The following CACNA1D variants were observed in gnomAD, a reference collection of about 807,000 sequenced individuals.
CACNA1D encodes the protein voltage-dependent L-type calcium channel subunit alpha-1D.
In CACNA1D, 55 loss-of-function variants were observed where a neutral mutation model predicts 257.1. The observed-to-expected ratio is 0.21, with a 90% CI of 0.17 to 0.27. CACNA1D has a LOEUF of 0.27. Among genes scored for constraint, CACNA1D ranks in the 10% least tolerant of loss-of-function variants. The pLI, the probability that CACNA1D is intolerant of heterozygous loss-of-function variation, is 1.00. For missense variants in CACNA1D, 1,876 were observed against 2,784.0 expected (o/e 0.67, Z 7.34); for synonymous variants, 980 against 1,014.9 (o/e 0.97, Z 0.65).
At chr3:53,634,299 CATT>C (rs1408098118) in intron 3 of CACNA1D, among the ~76,000 whole-genome samples, 1 of 152,160 alleles carries the variant, frequency 6.6e-6, no homozygotes, top group Non-Finnish European at 1.5e-5. Flanking sequence ...TAACATGAAT[CATT>C]ATTAAAATGA....
intron 8 of CACNA1D, among the ~76,000 whole-genome samples, chr3:53,681,407 C>G (rs1352665349): frequency 6.6e-6 from 1 of 152,188 alleles, no homozygotes; most frequent in Non-Finnish European, 1.5e-5. Flanking sequence ...GAATAAGAAG[C>G]AGAAAATCCT....
At chr3:53,500,253 T>TA (rs55823212) in intron 2 of CACNA1D, among the ~76,000 whole-genome samples, 16,917 of 40,858 alleles carry the variant, frequency 0.41, 4,530 homozygotes, top group East Asian at 0.55. Context: ...CTGTCTCTAC[T>TA]AAAAAAAAAA....
chr3:53,605,296 A>G (rs1315433727), intron 3 of CACNA1D, among the ~76,000 whole-genome samples: 1 of 152,094 alleles, frequency 6.6e-6, no homozygotes, highest in Non-Finnish European at 1.5e-5. Context: ...AGGGGGACAA[A>G]TGAGGTATCA....
At chr3:53,567,629 G>A (rs1392931458) in intron 3 of CACNA1D, among the ~76,000 whole-genome samples, 1 of 152,232 alleles carries the variant, frequency 6.6e-6, no homozygotes, top group East Asian at 1.9e-4. Context: ...AATAAGAGAT[G>A]AAGAGCAGAC....
Position 53,723,996 on chromosome 3 carries a change from C to T in CACNA1D, c.2097C>T (p.Phe699=). 1 of 1,612,716 alleles carries T rather than the reference C, an allele frequency of 6.2e-7. No individual in the cohort carries two copies. The highest frequency in any genetic ancestry group is 8.5e-7 in the Non-Finnish European group (1 of 1,178,778). ...TCCCTCAAGCACTTCTCACAGTGTTCCAGGTGAGTCCTCCCTCCATTCCCC... is the reference window on the plus strand; with the variant it reads ...TCCCTCAAGCACTTCTCACAGTGTTTCAGGTGAGTCCTCCCTCCATTCCCC... The part of the protein sequence containing the change: ...DNFPQALLTV[F]QILTGEDWNA... The change falls in exon 14 of 48, where the codon TTC becomes TTT. Residue 699 remains phenylalanine, a synonymous_variant. Transcript: ENST00000350061. The surrounding 1 kb of genome is among the most constrained non-coding windows in gnomAD (Gnocchi z 5.6).
At chr3:53,755,567 T>C (rs7373253) in intron 29 of CACNA1D, among the ~76,000 whole-genome samples, 134,371 of 152,224 alleles carry the variant, frequency 0.88, 59,531 homozygotes, top group East Asian at 1. Flanking sequence ...TGGTTGATTT[T>C]TGCTGGAAAT....
At chr3:53,810,871 A>G (rs2106918077) in intron 47 of CACNA1D, among the ~76,000 whole-genome samples, 1 of 151,066 alleles carries the variant, frequency 6.6e-6, no homozygotes, top group East Asian at 1.9e-4. Context: ...TCTAGTTTAT[A>G]CTAAATGTCT....
At chr3:53,790,510 G>A (rs943309397) in intron 40 of CACNA1D, among the ~76,000 whole-genome samples, 18 of 152,254 alleles carry the variant, frequency 1.2e-4, no homozygotes, top group African/African-American at 4.1e-4. Context: ...CATCTCCATT[G>A]TAGGAAAGCT....
intron 38 of CACNA1D, among the ~76,000 whole-genome samples, chr3:53,780,975 C>T (rs947592379): frequency 3.9e-5 from 6 of 152,260 alleles, no homozygotes; most frequent in African/African-American, 7.2e-5. Context: ...TCCAGCCTAA[C>T]TAACAGGGGC....
At chr3:53,697,200 G>A (rs1322448346) in intron 8 of CACNA1D, among the ~76,000 whole-genome samples, 1 of 152,234 alleles carries the variant, frequency 6.6e-6, no homozygotes, top group Non-Finnish European at 1.5e-5. Context: ...AGCTGGCCGT[G>A]GAGGCTGCTC....
intron 9 of CACNA1D, among the ~76,000 whole-genome samples, chr3:53,712,324 G>A (rs2094766799): frequency 6.6e-6 from 1 of 152,196 alleles, no homozygotes; most frequent in African/African-American, 2.4e-5. Flanking sequence ...GACCCTGCTG[G>A]CACCAGGTGG....
At chr3:53,745,060 T>C (rs1341237506) in intron 23 of CACNA1D, among the ~76,000 whole-genome samples, 2 of 152,232 alleles carry the variant, frequency 1.3e-5, no homozygotes, top group Non-Finnish European at 2.9e-5. Flanking sequence ...ATTGTTCATT[T>C]ATTACCTTTT....
At chr3:53,696,065 G>A (rs2094570414) in intron 8 of CACNA1D, among the ~76,000 whole-genome samples, 1 of 152,154 alleles carries the variant, frequency 6.6e-6, no homozygotes, top group Non-Finnish European at 1.5e-5. Flanking sequence ...CCAGGCTCGG[G>A]TGATCCTCCT....
intron 26 of CACNA1D, chr3:53,748,994 A>T: frequency 1.8e-6 from 1 of 568,262 alleles, no homozygotes; most frequent in Non-Finnish European, 3.2e-6. Context: ...CTGAATAGAA[A>T]GGAGTGTTTT....
chr3:53,722,247 A>G (rs1343759382), intron 11 of CACNA1D, 67 bp from the exon 12 acceptor site: 27 of 1,575,416 alleles, frequency 1.7e-5, no homozygotes, highest in East Asian at 2.2e-5. Flanking sequence ...TTATCTCTCA[A>G]TCATATTTAT....
chr3:53,525,991 C>T (rs1335690339), intron 3 of CACNA1D, among the ~76,000 whole-genome samples: 1 of 152,198 alleles, frequency 6.6e-6, no homozygotes, highest in Non-Finnish European at 1.5e-5. Context: ...CAAGAATTCT[C>T]AGACACGACC....
chr3:53,794,713 G>C (rs560444364), intron 40 of CACNA1D, among the ~76,000 whole-genome samples: 1 of 152,192 alleles, frequency 6.6e-6, no homozygotes, highest in Non-Finnish European at 1.5e-5. Flanking sequence ...GAACATGCAA[G>C]CACAAAGACG....
At chr3:53,775,815 C>A in intron 34 of CACNA1D, 71 bp from the exon 35 acceptor site, 1 of 1,452,346 alleles carries the variant, frequency 6.9e-7, no homozygotes, top group Non-Finnish European at 9.7e-7. Context: ...ATGAGTTTTT[C>A]TCCCCTAAGA....
chr3:53,742,499 G>A (rs879451677), intron 21 of CACNA1D, among the ~76,000 whole-genome samples: 5 of 152,266 alleles, frequency 3.3e-5, no homozygotes, highest in Middle Eastern at 3.4e-3. Context: ...AGATGGATGC[G>A]TCATTAAAGA....
Sources: gnomAD v4.1 joint callset for allele counts (sites outside exome capture counted in the v4.1 genomes callset) on GRCh38, gnomAD v4.1.1 for gene constraint, Gnocchi (gnomAD v3.1) non-coding constraint, MANE v1.5 for transcripts, NCBI Gene and HGNC (gene_info 2026-07-23, HGNC 2026-07-21) for gene names.